The following B3GALNT2 variants were observed in gnomAD, a reference collection of about 807,000 sequenced individuals.
The protein encoded by B3GALNT2 is beta-1,3-N-acetylgalactosaminyltransferase 2, also known as UDP-GalNAc:beta-1,3-N-acetylgalactosaminyltransferase 2.
Under a neutral mutation model 61.1 loss-of-function variants are expected in B3GALNT2, and 53 were observed. The ratio of observed to expected loss-of-function variants is 0.87; its 90% CI spans 0.70 to 1.09. B3GALNT2 has a LOEUF of 1.09. B3GALNT2 is among the 50% of genes least tolerant of loss of function. B3GALNT2 has a pLI of 0.00. For synonymous variants in B3GALNT2, 223 were observed against 237.4 expected, an observed-to-expected ratio of 0.94 and a Z score of 0.56; for missense variants, 544 against 623.0, an observed-to-expected ratio of 0.87 and a Z score of 1.35.
chr1:235,451,749 T>C (rs892063411), intron 11 of B3GALNT2: 1 of 152,202 alleles, frequency 6.6e-6, no homozygotes. Flanking sequence ...ACACTGCATG[T>C]GCCTTCTGTC....
In B3GALNT2 at chr1:235,458,470, C is replaced by G. The variant is rs141192400; in HGVS notation, c.1025+133G>C. Reference sequence around the variant, plus strand: ...GAGGCTAAGGCAGGAGGTTTGCCTGCACTCAGGAGTTCAAGACCAGCCTAG... The same window carrying G: ...GAGGCTAAGGCAGGAGGTTTGCCTGGACTCAGGAGTTCAAGACCAGCCTAG... On this transcript the variant is annotated intron_variant, in intron 8 of 11. Transcript: ENST00000366600. The G allele has an allele frequency of 1.0e-4, 119 of 1,175,602 alleles. No homozygotes were observed. In the East Asian group the frequency reaches 3.2e-3, roughly 31 times the overall value. The allele number at this position is 1,175,602 out of a possible 1,614,324, so 72.8% of individuals were successfully genotyped here.
At chr1:235,485,358 G>A (rs1684755172) in intron 3 of B3GALNT2, among the ~76,000 whole-genome samples, 1 of 152,202 alleles carries the variant, frequency 6.6e-6, no homozygotes, top group African/African-American at 2.4e-5. Flanking sequence ...CAGTCACCCA[G>A]GCTGCAGTGC....
At chr1:235,450,510 G>A in intron 11 of B3GALNT2, 170 bp from the exon 12 acceptor site, 2 of 717,766 alleles carry the variant, frequency 2.8e-6, no homozygotes, top group Admixed American at 2.9e-5. Context: ...CTCCTGATTT[G>A]GGAAAGCACC....
chr1:235,471,694 G>A (rs1684015370), intron 5 of B3GALNT2, among the ~76,000 whole-genome samples: 1 of 151,990 alleles, frequency 6.6e-6, no homozygotes. Flanking sequence ...ACAGAGCCTC[G>A]CTCTGCCACC....
In B3GALNT2 at chr1:235,470,843, G is replaced by T; in HGVS notation, c.762+7C>A. 6.2e-7 allele frequency: 1 copy of T among 1,609,160 alleles called. No individual in the cohort carries two copies. On this transcript the variant is annotated splice_region_variant and intron_variant, in intron 6 of 11. Coordinates refer to ENST00000366600, the MANE Select transcript of B3GALNT2 (RefSeq NM_152490.5). ...ATGCAATTAAACCTTAAAAAAAAAC[G>T]ACTTACTGTAATGACTCTGAGAACT... is the stretch of plus-strand genomic sequence containing the variant.
At chr1:235,483,086 T>C (rs1447917987) in intron 4 of B3GALNT2, among the ~76,000 whole-genome samples, 1 of 152,026 alleles carries the variant, frequency 6.6e-6, no homozygotes, top group African/African-American at 2.4e-5. Flanking sequence ...AAATGGAAAC[T>C]GAAGCACTAA....
At chr1:235,473,103 T>C (rs980092034) in intron 5 of B3GALNT2, among the ~76,000 whole-genome samples, 2 of 151,996 alleles carry the variant, frequency 1.3e-5, no homozygotes, top group African/African-American at 2.4e-5. Flanking sequence ...TCAGTAGAGA[T>C]GGGGTTTCAC....
intron 6 of B3GALNT2, 33 bp from the exon 7 acceptor site, chr1:235,465,747 T>C: frequency 6.2e-7 from 1 of 1,602,310 alleles, no homozygotes; most frequent in Non-Finnish European, 8.5e-7. Context: ...CAGTGATTCA[T>C]TACTAAAAAT....
At chr1:235,503,378 G>C (rs1685673524) in intron 1 of B3GALNT2, among the ~76,000 whole-genome samples, 1 of 152,208 alleles carries the variant, frequency 6.6e-6, no homozygotes, top group South Asian at 2.1e-4. Flanking sequence ...CAATCCGCTG[G>C]GCACCGTAAG....
chr1:235,445,673 T>A (rs1466262133), downstream of B3GALNT2, among the ~76,000 whole-genome samples: 1 of 152,002 alleles, frequency 6.6e-6, no homozygotes, highest in Admixed American at 6.6e-5. Flanking sequence ...CAATATCTTT[T>A]TTTTTATCCA....
chr1:235,479,985 C>T, intron 5 of B3GALNT2, 69 bp downstream of exon 5: 1 of 1,583,270 alleles, frequency 6.3e-7, no homozygotes, highest in Non-Finnish European at 8.6e-7. Flanking sequence ...AGTGCCTGCC[C>T]CTGAAAGCAC....
Position 235,489,331 on chromosome 1 carries a change from C to T in B3GALNT2, c.261-63G>A, listed in dbSNP as rs1684954483. The stretch of plus-strand genomic sequence containing the variant: ...TTCACCTCGCACATGCACGTTTCCT[C>T]ATGCCCATTTCAGAGCTTTTACTTT... On this transcript the variant is annotated intron_variant, in intron 2 of 11. Coordinates refer to ENST00000366600, the MANE Select transcript of B3GALNT2 (RefSeq NM_152490.5). 3.1e-6 allele frequency: 5 copies of T among 1,595,938 alleles called. No homozygotes were observed. In the South Asian group the frequency reaches 5.6e-5, roughly 18 times the overall value.
At chr1:235,451,945 G>A (rs1271926194) in intron 11 of B3GALNT2, 1 of 152,070 alleles carries the variant, frequency 6.6e-6, no homozygotes, top group African/African-American at 2.4e-5. Context: ...TTCATGCAGT[G>A]TCTTATTTTT....
intron 3 of B3GALNT2, among the ~76,000 whole-genome samples, chr1:235,487,004 A>C (rs188518279): frequency 3.5e-4 from 54 of 152,198 alleles, no homozygotes; most frequent in African/African-American, 1.3e-3. Context: ...CCCCATCTCT[A>C]CTAAAAATAA....
chr1:235,471,036 A>AT (rs905857796), intron 5 of B3GALNT2, 76 bp from the exon 6 acceptor site: 4 of 1,557,892 alleles, frequency 2.6e-6, no homozygotes. Context: ...TTCAGGCAAG[A>AT]TTTTTAGAGA....
Position 235,447,282 on chromosome 1 carries a change from A to ATTT in B3GALNT2, c.*2921_*2923dup, listed in dbSNP as rs1195436168. On this transcript the variant is annotated 3_prime_UTR_variant, in exon 12 of 12. Coordinates refer to ENST00000366600, the MANE Select transcript of B3GALNT2 (RefSeq NM_152490.5). ...AAAACACACAGCTTTTACAAAAATG[A>ATTT]TTTTTGATAGAAAAATATGTTTGAA... is the stretch of plus-strand genomic sequence containing the variant. Among the ~76,000 whole-genome samples, 3 of 152,222 alleles carry ATTT rather than the reference A, an allele frequency of 2.0e-5. No homozygotes were observed. The highest frequency in any genetic ancestry group is 4.4e-5 in the Non-Finnish European group (3 of 68,026).
At chr1:235,473,766 T>A (rs1162341578) in intron 5 of B3GALNT2, among the ~76,000 whole-genome samples, 3 of 152,112 alleles carry the variant, frequency 2.0e-5, no homozygotes, top group African/African-American at 7.2e-5. Flanking sequence ...AAAAAGGAAA[T>A]AATGAATCAT....
At position 235,458,787 on chromosome 1, in the gene B3GALNT2, C is replaced by T. The variant is rs764784497; in HGVS notation, c.842-1G>A. 19 of 1,572,632 alleles carry T rather than the reference C, an allele frequency of 1.2e-5. No homozygotes were observed. The highest frequency in any genetic ancestry group is 2.3e-5 in the East Asian group (1 of 43,768). ...AGGTTGTGTAAGAGAGCATCACCTT[C>T]TATAAAGGAAAAGTTGAGAGTTGGA... On this transcript the variant is annotated splice_acceptor_variant, in intron 7 of 11. Coordinates refer to ENST00000366600, the MANE Select transcript of B3GALNT2 (RefSeq NM_152490.5). LOFTEE classifies it high-confidence loss of function.
At chr1:235,483,424 C>G (rs1211378238) in intron 4 of B3GALNT2, among the ~76,000 whole-genome samples, 1 of 152,034 alleles carries the variant, frequency 6.6e-6, no homozygotes. Context: ...TGTAGCACGC[C>G]CTGAATAAAA....
Sources: gnomAD v4.1 joint callset for allele counts (sites outside exome capture counted in the v4.1 genomes callset) on GRCh38, gnomAD v4.1.1 for gene constraint, MANE v1.5 for transcripts, NCBI Gene and HGNC (gene_info 2026-07-23, HGNC 2026-07-21) for gene names.